The following SYNRG variants were observed in gnomAD, a reference collection of about 807,000 sequenced individuals.
SYNRG encodes synergin gamma.
A neutral mutation model predicts 130.9 loss-of-function variants in SYNRG; 37 were observed. The ratio of observed to expected loss-of-function variants is 0.28; its 90% confidence interval spans 0.22 to 0.37. The LOEUF is 0.37. SYNRG is among the 10% of genes least tolerant of loss of function. The pLI is 1.00. For synonymous variants in SYNRG, 539 were observed against 568.1 expected (o/e 0.95, Z 0.73); for missense variants, 1,338 against 1,588.9 (o/e 0.84, Z 2.68).
At position 37,581,525 on chromosome 17, in the gene SYNRG, G is replaced by A. The variant is rs532027069; in HGVS notation, c.589+3123C>T. Among the ~76,000 whole-genome samples the A allele has an allele frequency of 5.9e-5, 9 of 152,196 alleles. No homozygotes were observed. The South Asian group carries it at 1.5e-3, about 25-fold the overall frequency. On this transcript the variant is annotated intron_variant, in intron 6 of 21. Coordinates refer to ENST00000612223, the MANE Select transcript of SYNRG (RefSeq NM_007247.6). ...ACTCCTGACTTCAGGTGATCTGCCT[G>A]CCTTGGTCTCCCAAAGTGTTGGGAT...
intron 19 of SYNRG, 101 bp downstream of exon 19, chr17:37,535,878 C>T: frequency 6.6e-7 from 1 of 1,513,364 alleles, no homozygotes; most frequent in Non-Finnish European, 9.0e-7. Flanking sequence ...CCAGTTGGCA[C>T]CTCCAGCCTC....
At chr17:37,609,195 C>T in intron 1 of SYNRG, 84 bp downstream of exon 1, 3 of 1,324,650 alleles carry the variant, frequency 2.3e-6, no homozygotes, top group Non-Finnish European at 1.9e-6. Context: ...AGGATCAGGG[C>T]TGGAGAAAAC....
chr17:37,538,886 A>T (rs1006228725), intron 17 of SYNRG, among the ~76,000 whole-genome samples: 4 of 152,206 alleles, frequency 2.6e-5, no homozygotes, highest in Admixed American at 2.0e-4. Context: ...GAGCCACCGC[A>T]CCCAGCCAAG....
intron 6 of SYNRG, among the ~76,000 whole-genome samples, chr17:37,578,166 C>T (rs1357591083): frequency 2.0e-5 from 3 of 151,728 alleles, no homozygotes; most frequent in African/African-American, 4.8e-5. Flanking sequence ...CCCATCTCTA[C>T]TAAAAATACA....
At chr17:37,547,323 A>G (rs2058358907) in intron 14 of SYNRG, among the ~76,000 whole-genome samples, 1 of 152,264 alleles carries the variant, frequency 6.6e-6, no homozygotes, top group Admixed American at 6.5e-5. Context: ...CCTGGTCATC[A>G]GTAAAAATCT....
At chr17:37,525,099 G>A (rs2055667444) in intron 19 of SYNRG, among the ~76,000 whole-genome samples, 1 of 152,138 alleles carries the variant, frequency 6.6e-6, no homozygotes, top group African/African-American at 2.4e-5. Flanking sequence ...ACCTTCTTAA[G>A]TACACATGTA....
chr17:37,572,338 AAT>A (rs2060493706), intron 8 of SYNRG, among the ~76,000 whole-genome samples: 1 of 152,140 alleles, frequency 6.6e-6, no homozygotes, highest in Non-Finnish European at 1.5e-5. Flanking sequence ...GAGGCAGGAG[AAT>A]CACTTGAACC....
chr17:37,524,019 G>T (rs1281219005), intron 19 of SYNRG, among the ~76,000 whole-genome samples: 1 of 152,220 alleles, frequency 6.6e-6, no homozygotes, highest in African/African-American at 2.4e-5. Context: ...GCTCGAGACT[G>T]CACAGGCGCT....
chr17:37,594,077 C>T (rs933261274), intron 3 of SYNRG, among the ~76,000 whole-genome samples: 4 of 151,234 alleles, frequency 2.6e-5, no homozygotes, highest in Admixed American at 2.6e-4. Flanking sequence ...ATTAGAGACT[C>T]TTACTGTTTT....
In SYNRG at chr17:37,553,293, CACTG is replaced by C. The variant is rs779763520; in HGVS notation, c.2426_2429del (p.Ser809Ter). 6.2e-7 allele frequency: 1 copy of C among 1,614,048 alleles called. No individual in the cohort carries two copies. Among genetic ancestry groups the C allele is most frequent in the Non-Finnish European group, 8.5e-7 (1 of 1,179,992 alleles). On this transcript the variant is annotated frameshift_variant, in exon 14 of 22. Transcript: ENST00000612223. LOFTEE classifies it high-confidence loss of function. ...CAATGGAAGGGAGATCTAAGGACTTCACTGATGCAGAGTCTTCTTTGGTGTGTCT... is the reference window on the plus strand; with the variant it reads ...CAATGGAAGGGAGATCTAAGGACTTCATGCAGAGTCTTCTTTGGTGTGTCT...
At chr17:37,538,035 T>C (rs1189780379) in intron 18 of SYNRG, among the ~76,000 whole-genome samples, 2 of 152,268 alleles carry the variant, frequency 1.3e-5, no homozygotes, top group Non-Finnish European at 2.9e-5. Flanking sequence ...AAGATGATTT[T>C]ACTTTAGTGC....
At chr17:37,571,025 G>GA in intron 9 of SYNRG, 140 bp from the exon 10 acceptor site, 5 of 1,171,328 alleles carry the variant, frequency 4.3e-6, no homozygotes, top group African/African-American at 1.5e-5. Flanking sequence ...TTTGATTTAA[G>GA]AAAAAAAGTT....
intron 16 of SYNRG, among the ~76,000 whole-genome samples, chr17:37,540,134 GTGAAGTCCCA>G (rs745607693): frequency 5.9e-5 from 9 of 152,190 alleles, no homozygotes; most frequent in African/African-American, 9.6e-5. Context: ...TGCCATCCTT[GTGAAGTCCCA>G]TGAATAGTTT....
At position 37,570,768 on chromosome 17, in the gene SYNRG, G is replaced by C. The variant is rs557937693; in HGVS notation, c.1216C>G (p.Pro406Ala). ...GGCATGGAGCCCGCAGGACCTGAAG[G>C]TATCACAGTTGGCTGACTCACCGGT... The part of the protein sequence containing the change: ...PTPVSQPTVI[P>A]SGPAGSMPLS... The change falls in exon 10 of 22, where the codon CCT becomes GCT. Residue 406 changes from proline to alanine, a missense_variant. Physicochemically the swap from Pro to Ala is conservative, Grantham distance 27. Coordinates refer to ENST00000612223, the MANE Select transcript of SYNRG (RefSeq NM_007247.6). 2 of 1,614,062 alleles carry C rather than the reference G, an allele frequency of 1.2e-6. No individual in the cohort carries two copies. Among genetic ancestry groups the C allele is most frequent in the Non-Finnish European group, 8.5e-7 (1 of 1,180,050 alleles).
rs142373116 is a variant in SYNRG at position 37,570,932 on chromosome 17, AC to A, written c.1099-48del. ...TGGATTAGAGGATTGTAAACCACAT[AC>A]GGTCGAAATCTGGCAGAGACCGAAA... is the stretch of plus-strand genomic sequence containing the variant. On this transcript the variant is annotated intron_variant, in intron 9 of 21. Transcript: ENST00000612223. The A allele has an allele frequency of 4.4e-4, 688 of 1,564,772 alleles. 3 individuals are homozygous for A. The African/African-American group carries it at 8.5e-3, about 19-fold the overall frequency.
chr17:37,527,183 T>G (rs552820940), intron 19 of SYNRG, among the ~76,000 whole-genome samples: 4 of 152,340 alleles, frequency 2.6e-5, no homozygotes, highest in African/African-American at 7.2e-5. Context: ...TGATTGCCAG[T>G]TGACTAAAAT....
intron 13 of SYNRG, among the ~76,000 whole-genome samples, chr17:37,556,866 T>G (rs1196702013): frequency 6.6e-6 from 1 of 152,254 alleles, no homozygotes; most frequent in Non-Finnish European, 1.5e-5. Context: ...AAATTTTTAA[T>G]GTGTTGCTTT....
intron 6 of SYNRG, among the ~76,000 whole-genome samples, chr17:37,578,327 T>G (rs2061017937): frequency 6.7e-6 from 1 of 149,602 alleles, no homozygotes; most frequent in Non-Finnish European, 1.5e-5. Flanking sequence ...CAAGACTCTG[T>G]CTCAAAAAAA....
At chr17:37,561,393 C>T (rs1159249444) in intron 12 of SYNRG, 78 bp downstream of exon 12, 2 of 1,452,502 alleles carry the variant, frequency 1.4e-6, no homozygotes, top group South Asian at 1.1e-5. Flanking sequence ...GCACAGAAGA[C>T]CACCACTTAA....
Sources: allele counts gnomAD v4.1 joint callset (sites outside exome capture counted in the v4.1 genomes callset), GRCh38; gene constraint gnomAD v4.1.1; transcripts MANE v1.5; gene names NCBI Gene and HGNC (gene_info 2026-07-23, HGNC 2026-07-21).